B3GLCT: variants seen among roughly 807,000 people sequenced by gnomAD.
B3GLCT encodes the protein beta-1,3-glucosyltransferase.
In B3GLCT, 65 loss-of-function variants were observed where a neutral mutation model predicts 63.4. That is an observed-to-expected ratio of 1.03 (90% CI 0.84 to 1.26). The LOEUF (loss-of-function observed/expected upper bound fraction) is 1.26. Among genes scored for constraint, B3GLCT ranks in the 50% most tolerant of loss-of-function variants. The probability of loss-of-function intolerance (pLI) is 0.00; values close to 1 mark genes in which losing one functional copy is unlikely to be tolerated. For missense variants in B3GLCT, 577 were observed against 604.8 expected (o/e 0.95, Z 0.48); for synonymous variants, 233 against 219.2 (o/e 1.06, Z -0.55).
At chr13:31,250,416 T>C (rs1158196215) in intron 6 of B3GLCT, among the ~76,000 whole-genome samples, 4 of 152,240 alleles carry the variant, frequency 2.6e-5, no homozygotes, top group Admixed American at 2.0e-4. Flanking sequence ...TCAAGTGATC[T>C]GCCTGCCTCG....
chr13:31,215,089 A>C lies in B3GLCT; in HGVS notation c.109A>C (p.Lys37Gln). Residue 37 changes from lysine to glutamine, a missense_variant, in exon 2 of 15, where the codon AAG becomes CAG. Lys to Gln is a moderately conservative substitution (Grantham distance 53). Transcript: ENST00000343307. Reference sequence around the variant, plus strand: ...TTCTGAAGATACAAAGAAAGAGGTCAAGCAGTCTCAGGTACTAATCCCAAT... The same window carrying C: ...TTCTGAAGATACAAAGAAAGAGGTCCAGCAGTCTCAGGTACTAATCCCAAT... ...LASEDTKKEVKQSQDLEKSGI... is the reference protein window; with the variant it reads ...LASEDTKKEVQQSQDLEKSGI... 6.2e-7 allele frequency: 1 copy of C among 1,611,646 alleles called. No individual in the cohort carries two copies. The highest frequency in any genetic ancestry group is 8.5e-7 in the Non-Finnish European group (1 of 1,179,740).
chr13:31,308,315 T>G (rs529871288), intron 12 of B3GLCT, among the ~76,000 whole-genome samples: 1 of 20,828 alleles, frequency 4.8e-5, no homozygotes, highest in Non-Finnish European at 1.3e-4. Context: ...ACATGTACCC[T>G]AAAACTTAGA....
At chr13:31,278,721 G>T (rs1405576147) in intron 10 of B3GLCT, among the ~76,000 whole-genome samples, 2 of 152,228 alleles carry the variant, frequency 1.3e-5, no homozygotes, top group Non-Finnish European at 2.9e-5. Flanking sequence ...CCAGCCATCA[G>T]TTGGCCCAAA....
chr13:31,238,667 A>G (rs1485763781), intron 4 of B3GLCT, among the ~76,000 whole-genome samples: 3 of 152,208 alleles, frequency 2.0e-5, no homozygotes, highest in Non-Finnish European at 2.9e-5. Flanking sequence ...AATCCACTCA[A>G]TAGGCCAGGC....
chr13:31,255,051 A>AG (rs1871662795), intron 6 of B3GLCT, among the ~76,000 whole-genome samples: 4 of 151,666 alleles, frequency 2.6e-5, no homozygotes, highest in Admixed American at 1.3e-4. Context: ...AAAAAAAAAA[A>AG]AAAGAAAACC....
intron 4 of B3GLCT, among the ~76,000 whole-genome samples, chr13:31,239,807 A>G (rs554918022): frequency 6.6e-6 from 1 of 152,168 alleles, no homozygotes; most frequent in East Asian, 1.9e-4. Flanking sequence ...GTTGTTCTCC[A>G]GAGGAACTTT....
intron 1 of B3GLCT, among the ~76,000 whole-genome samples, chr13:31,208,950 C>A (rs996186347): frequency 3.9e-5 from 6 of 152,024 alleles, no homozygotes; most frequent in African/African-American, 1.4e-4. Flanking sequence ...TCAGAGGGGT[C>A]CCTGCCCGGC....
chr13:31,253,595 CAAAAAAAAAAAA>C (rs35512327), intron 6 of B3GLCT, among the ~76,000 whole-genome samples: 1 of 18,416 alleles, frequency 5.4e-5, no homozygotes, highest in Non-Finnish European at 7.7e-5. Flanking sequence ...GACTCCATCT[CAAAAAAAAAAAA>C]AAAAAAAAAA....
chr13:31,251,670 GAA>G (rs141011711), intron 6 of B3GLCT, among the ~76,000 whole-genome samples: 7,111 of 152,240 alleles, frequency 0.047, 176 homozygotes, highest in Non-Finnish European at 0.051. Context: ...ATTAGAGAAA[GAA>G]GAGTGAAAAG....
intron 14 of B3GLCT, among the ~76,000 whole-genome samples, chr13:31,329,047 A>G (rs1169254170): frequency 6.6e-6 from 1 of 152,186 alleles, no homozygotes; most frequent in African/African-American, 2.4e-5. Context: ...GACATCACCT[A>G]ATTACACATT....
chr13:31,236,946 G>A (rs1870680384), intron 4 of B3GLCT, among the ~76,000 whole-genome samples: 1 of 152,068 alleles, frequency 6.6e-6, no homozygotes, highest in Admixed American at 6.6e-5. Context: ...GGCCAACATG[G>A]TGAAACCCTG....
Position 31,229,168 on chromosome 13 carries a change from AT to A in B3GLCT, c.161-8del, listed in dbSNP as rs757600274. ...TTGTAAAAAGAAATACCTGAAAACTATTTTTTTTTGTTCTAGACTTAAAAGG... is the reference window on the plus strand; with the variant it reads ...TTGTAAAAAGAAATACCTGAAAACTATTTTTTTTGTTCTAGACTTAAAAGG... On this transcript the variant is annotated splice_polypyrimidine_tract_variant and intron_variant, in intron 3 of 14. Transcript: ENST00000343307. The A allele has an allele frequency of 7.3e-4, 1,057 of 1,452,222 alleles. No homozygotes were observed. The highest frequency in any genetic ancestry group is 8.8e-4 in the Non-Finnish European group (914 of 1,040,938). 90.0% of individuals were successfully genotyped at this position (1,452,222 alleles called of 1,614,324 possible). A position where few individuals can be genotyped will look rare whatever the true frequency, so the allele number is the denominator to read the frequency against.
chr13:31,331,156 A>G lies in B3GLCT; in HGVS notation c.*1488A>G, dbSNP rs1003521175. The G allele has an allele frequency of 1.3e-5, 2 of 152,228 alleles. No homozygotes were observed. Among genetic ancestry groups the G allele is most frequent in the African/African-American group, 4.8e-5 (2 of 41,446 alleles). 9.4% of individuals were successfully genotyped at this position (152,228 alleles called of 1,614,324 possible). ...AGGATTTCTAGATCGCTTCAAGCCT[A>G]TACTGATGGCCTTAGCTTTGTTCAG... is the stretch of plus-strand genomic sequence containing the variant. On this transcript the variant is annotated 3_prime_UTR_variant, in exon 15 of 15. Coordinates refer to ENST00000343307, the MANE Select transcript of B3GLCT (RefSeq NM_194318.4).
At chr13:31,317,538 A>T (rs375357633) in intron 12 of B3GLCT, 28 bp from the exon 13 acceptor site, 1 of 1,613,600 alleles carries the variant, frequency 6.2e-7, no homozygotes, top group East Asian at 2.2e-5. Context: ...TCAAATAATC[A>T]TGATTTGTGT....
At chr13:31,254,488 AAC>A (rs1172066426) in intron 6 of B3GLCT, among the ~76,000 whole-genome samples, 1 of 152,196 alleles carries the variant, frequency 6.6e-6, no homozygotes, top group Non-Finnish European at 1.5e-5. Context: ...ACTCTCAATA[AAC>A]TTGGCATTGA....
At chr13:31,300,702 A>C (rs1874179651) in intron 12 of B3GLCT, among the ~76,000 whole-genome samples, 1 of 152,216 alleles carries the variant, frequency 6.6e-6, no homozygotes, top group Non-Finnish European at 1.5e-5. Context: ...CCAGAAGGCA[A>C]AAATCTGAAA....
At chr13:31,248,063 A>T in intron 6 of B3GLCT, 97 bp downstream of exon 6, 1 of 708,298 alleles carries the variant, frequency 1.4e-6, no homozygotes, top group South Asian at 1.6e-5. Flanking sequence ...ATAAAAAACC[A>T]CTTAGTTTAA....
chr13:31,234,531 G>C (rs1870550539), intron 4 of B3GLCT, among the ~76,000 whole-genome samples: 1 of 152,184 alleles, frequency 6.6e-6, no homozygotes, highest in Non-Finnish European at 1.5e-5. Context: ...AGGGCTTTCA[G>C]GGTAAGGAGG....
intron 11 of B3GLCT, among the ~76,000 whole-genome samples, chr13:31,285,011 A>G (rs1041840623): frequency 6.6e-6 from 1 of 152,094 alleles, no homozygotes; most frequent in African/African-American, 2.4e-5. Flanking sequence ...TTAACAATAG[A>G]TTTTTCATAC....
Sources: allele counts gnomAD v4.1 joint callset (sites outside exome capture counted in the v4.1 genomes callset), GRCh38; gene constraint gnomAD v4.1.1; transcripts MANE v1.5; gene names NCBI Gene and HGNC (gene_info 2026-07-23, HGNC 2026-07-21).